The following RSRC1 variants were observed in gnomAD, a reference collection of about 807,000 sequenced individuals.
The protein encoded by RSRC1 is arginine and serine rich coiled-coil 1, also known as serine/Arginine-related protein 53.
In RSRC1, 39 loss-of-function variants were observed where a neutral mutation model predicts 49.1. That is an observed-to-expected ratio of 0.79 (90% CI 0.61 to 1.04). The LOEUF is 1.04. RSRC1 is among the 50% of genes least tolerant of loss of function. The pLI, the probability that RSRC1 is intolerant of heterozygous loss-of-function variation, is 0.00. For missense variants in RSRC1, 388 were observed against 402.4 expected, an observed-to-expected ratio of 0.96 and a Z score of 0.31; for synonymous variants, 143 against 130.8, an observed-to-expected ratio of 1.09 and a Z score of -0.63.
In RSRC1 at chr3:158,210,920, A is replaced by G. The variant is rs534653842; in HGVS notation, c.494+7675A>G. Among the ~76,000 whole-genome samples, 36 of 152,170 alleles carry G rather than the reference A, an allele frequency of 2.4e-4. 1 individual carries two copies. The highest frequency in any genetic ancestry group is 7.9e-4 in the African/African-American group (33 of 41,552). On this transcript the variant is annotated intron_variant, in intron 4 of 9. Coordinates refer to ENST00000611884, the MANE Select transcript of RSRC1 (RefSeq NM_001271838.2). ...TGAATTATGCCTGATAACGTCTTAA[A>G]TGGCATGAATTGTAGGTTCATTCTC...
At chr3:158,231,131 C>T (rs920463795) in intron 4 of RSRC1, among the ~76,000 whole-genome samples, 3 of 129,814 alleles carry the variant, frequency 2.3e-5, no homozygotes, top group Non-Finnish European at 4.7e-5. Context: ...AATAACTAGT[C>T]GTTAGCTTTT....
intron 3 of RSRC1, among the ~76,000 whole-genome samples, chr3:158,170,892 TC>T (rs772111850): frequency 6.6e-6 from 1 of 152,118 alleles, no homozygotes; most frequent in Non-Finnish European, 1.5e-5. Context: ...CTCTTTTCTT[TC>T]TCTGCTTTGC....
chr3:158,290,439 A>C (rs1187238627), intron 4 of RSRC1, among the ~76,000 whole-genome samples: 1 of 151,824 alleles, frequency 6.6e-6, no homozygotes, highest in African/African-American at 2.4e-5. Context: ...CGCCCAGCTA[A>C]TTTTTTGTAT....
intron 4 of RSRC1, among the ~76,000 whole-genome samples, chr3:158,249,030 TC>T (rs1303257802): frequency 6.6e-6 from 1 of 152,212 alleles, no homozygotes; most frequent in African/African-American, 2.4e-5. Flanking sequence ...GTTCCATTTT[TC>T]TGATACCTAA....
chr3:158,490,450 G>A (rs1045362822), intron 7 of RSRC1, among the ~76,000 whole-genome samples: 3 of 152,186 alleles, frequency 2.0e-5, no homozygotes, highest in Non-Finnish European at 4.4e-5. Context: ...AAATTATCCT[G>A]TGTATTTAAA....
chr3:158,375,384 A>G (rs11706187), intron 6 of RSRC1, among the ~76,000 whole-genome samples: 63,909 of 148,624 alleles, frequency 0.43, 14,605 homozygotes, highest in South Asian at 0.6. Flanking sequence ...TTTTTTCTTA[A>G]TGAGATATGG....
At chr3:158,199,132 G>A (rs1720866600) in intron 3 of RSRC1, among the ~76,000 whole-genome samples, 1 of 152,070 alleles carries the variant, frequency 6.6e-6, no homozygotes, top group Non-Finnish European at 1.5e-5. Flanking sequence ...GGTAAAAACG[G>A]GAGTTTCTCT....
chr3:158,367,391 A>T (rs752852225), intron 6 of RSRC1, among the ~76,000 whole-genome samples: 13 of 152,174 alleles, frequency 8.5e-5, no homozygotes, highest in Non-Finnish European at 1.5e-4. Flanking sequence ...CTATTCAAAT[A>T]ATCATGTGGT....
intron 6 of RSRC1, among the ~76,000 whole-genome samples, chr3:158,405,074 A>G (rs961194780): frequency 2.0e-5 from 3 of 152,074 alleles, no homozygotes; most frequent in African/African-American, 7.2e-5. Context: ...TGGTAGAGAA[A>G]AATCAAGCTA....
intron 3 of RSRC1, among the ~76,000 whole-genome samples, chr3:158,152,248 C>T (rs757246328): frequency 3.4e-4 from 51 of 152,138 alleles, no homozygotes; most frequent in Non-Finnish European, 7.2e-4. Flanking sequence ...AAATAGTGAG[C>T]TCCTTGAGGA....
intron 7 of RSRC1, among the ~76,000 whole-genome samples, chr3:158,461,519 A>G (rs1020479546): frequency 6.6e-6 from 1 of 151,922 alleles, no homozygotes; most frequent in African/African-American, 2.4e-5. Context: ...AAACAAATCT[A>G]ACACATTTTT....
rs1578473305 is a variant in RSRC1, at chr3:158,434,439, T to G, written c.584-26496T>G. Among the ~76,000 whole-genome samples the G allele has an allele frequency of 2.0e-5, 3 of 152,042 alleles. No individual in the cohort carries two copies. In the Middle Eastern group the frequency reaches 0.01, roughly 517 times the overall value. On this transcript the variant is annotated intron_variant, in intron 6 of 9. Transcript: ENST00000611884. ...GCTGAAGTTTACTTTGTGCTAAAAA[T>G]TATTTTATTATAAAGGAATTATATT...
intron 3 of RSRC1, among the ~76,000 whole-genome samples, chr3:158,154,553 C>T (rs981900843): frequency 1.3e-5 from 2 of 150,690 alleles, no homozygotes; most frequent in Non-Finnish European, 3.0e-5. Context: ...CAACCTCTGC[C>T]TCCCGGGTTC....
At chr3:158,481,801 A>G (rs1327743414) in intron 7 of RSRC1, among the ~76,000 whole-genome samples, 1 of 152,016 alleles carries the variant, frequency 6.6e-6, no homozygotes, top group Admixed American at 6.6e-5. Context: ...CTCTTATTCC[A>G]TTTTCTATTT....
intron 5 of RSRC1, among the ~76,000 whole-genome samples, chr3:158,337,311 A>G (rs1043278421): frequency 6.6e-6 from 1 of 152,172 alleles, no homozygotes; most frequent in Non-Finnish European, 1.5e-5. Flanking sequence ...AATCAGTCTC[A>G]TGTGATCCGT....
intron 6 of RSRC1, among the ~76,000 whole-genome samples, chr3:158,454,739 T>C (rs1737225111): frequency 6.6e-6 from 1 of 152,164 alleles, no homozygotes; most frequent in Non-Finnish European, 1.5e-5. Context: ...TTTCGTAAGA[T>C]TGGTTTACCT....
At chr3:158,173,535 A>G (rs1236987793) in intron 3 of RSRC1, among the ~76,000 whole-genome samples, 1 of 151,998 alleles carries the variant, frequency 6.6e-6, no homozygotes, top group Non-Finnish European at 1.5e-5. Flanking sequence ...ATATCACTAA[A>G]TATACATTAA....
At chr3:158,465,729 A>C (rs1737854327) in intron 7 of RSRC1, among the ~76,000 whole-genome samples, 1 of 152,160 alleles carries the variant, frequency 6.6e-6, no homozygotes, top group Admixed American at 6.6e-5. Flanking sequence ...TGTAAGATTT[A>C]AAATGTCCCT....
intron 3 of RSRC1, among the ~76,000 whole-genome samples, chr3:158,130,121 C>T (rs1222115624): frequency 6.6e-6 from 1 of 152,146 alleles, no homozygotes; most frequent in Admixed American, 6.5e-5. Flanking sequence ...TTTAGGTTGA[C>T]AGATGGCTGT....
Sources: gnomAD v4.1 joint callset for allele counts (sites outside exome capture counted in the v4.1 genomes callset) on GRCh38, gnomAD v4.1.1 for gene constraint, MANE v1.5 for transcripts, NCBI Gene and HGNC (gene_info 2026-07-23, HGNC 2026-07-21) for gene names.